KDM4C: variants seen among roughly 807,000 people sequenced by gnomAD.
The protein encoded by KDM4C is lysine demethylase 4C, also known as lysine-specific demethylase 4C.
A neutral mutation model predicts 129.3 loss-of-function variants in KDM4C; 81 were observed. The ratio of observed to expected loss-of-function variants is 0.63; its 90% CI spans 0.52 to 0.75. KDM4C has a LOEUF of 0.75. Among genes scored for constraint, KDM4C ranks in the 30% least tolerant of loss-of-function variants. The pLI is 0.00. For synonymous variants in KDM4C, 573 were observed against 456.1 expected (o/e 1.26, Z -3.26); for missense variants, 1,457 against 1,304.0 (o/e 1.12, Z -1.81).
intron 8 of KDM4C, among the ~76,000 whole-genome samples, chr9:6,917,868 C>T (rs1820609855): frequency 6.6e-6 from 1 of 152,178 alleles, no homozygotes; most frequent in Non-Finnish European, 1.5e-5. Context: ...GTGCACTTGA[C>T]CCCAGCCCCT....
intron 10 of KDM4C, 46 bp from the exon 11 acceptor site, chr9:6,986,298 G>A (rs533919644): frequency 3.0e-6 from 4 of 1,323,068 alleles, no homozygotes; most frequent in Non-Finnish European, 4.2e-6. Flanking sequence ...CTACTTAGTA[G>A]TAATACAGTG....
intron 15 of KDM4C, among the ~76,000 whole-genome samples, chr9:7,032,933 T>C (rs139714915): frequency 1.6e-3 from 240 of 152,358 alleles, no homozygotes; most frequent in African/African-American, 5.6e-3. Flanking sequence ...CTTTCATATG[T>C]ACTCTAGGTT....
chr9:7,049,712 C>A (rs1214830272), intron 17 of KDM4C, among the ~76,000 whole-genome samples: 1 of 152,082 alleles, frequency 6.6e-6, no homozygotes, highest in Non-Finnish European at 1.5e-5. Flanking sequence ...AACTCTCTGG[C>A]TTGTTCAGAA....
intron 18 of KDM4C, among the ~76,000 whole-genome samples, chr9:7,123,809 C>T (rs571598229): frequency 1.3e-5 from 2 of 152,202 alleles, no homozygotes; most frequent in South Asian, 2.1e-4. Flanking sequence ...AGAGTAGAGT[C>T]GGAGGCTACT....
chr9:7,060,997 C>T (rs16925263), intron 17 of KDM4C, among the ~76,000 whole-genome samples: 6,114 of 152,194 alleles, frequency 0.04, 298 homozygotes, highest in East Asian at 0.15. Context: ...TCAATCTGTC[C>T]GCCCATCCAT....
chr9:6,824,951 C>T (rs1351522667), intron 4 of KDM4C, among the ~76,000 whole-genome samples: 1 of 151,984 alleles, frequency 6.6e-6, no homozygotes, highest in African/African-American at 2.4e-5. Flanking sequence ...CGAGACCAGC[C>T]TGGCCAACAT....
chr9:6,721,053 T>G lies in KDM4C; in HGVS notation c.49+56T>G. ...ACTTTGTACATAGTTGGTGGTTCTG[T>G]CACACTTAAAGCAATGTTAATTTCT... On this transcript the variant is annotated intron_variant, in intron 1 of 17. Coordinates refer to the KDM4C transcript ENST00000536108. 4 of 1,435,638 alleles carry G rather than the reference T, an allele frequency of 2.8e-6. No individual in the cohort carries two copies. The South Asian group carries it at 4.9e-5, about 18-fold the overall frequency. 88.9% of individuals were successfully genotyped at this position (1,435,638 alleles called of 1,614,324 possible).
chr9:7,066,725 G>T (rs1410016727), intron 17 of KDM4C, among the ~76,000 whole-genome samples: 5 of 152,058 alleles, frequency 3.3e-5, no homozygotes, highest in Admixed American at 2.6e-4. Context: ...TGATGTCTTG[G>T]AGTTGTTTTT....
intron 4 of KDM4C, among the ~76,000 whole-genome samples, chr9:6,836,161 TAAAA>T (rs369497432): frequency 2.0e-5 from 3 of 151,944 alleles, no homozygotes; most frequent in African/African-American, 4.8e-5. Flanking sequence ...GTGCACAACT[TAAAA>T]AAATCACTGG....
chr9:6,807,992 G>C (rs1365001249), intron 3 of KDM4C, among the ~76,000 whole-genome samples: 1 of 102,272 alleles, frequency 9.8e-6, no homozygotes, highest in South Asian at 3.2e-4. Context: ...AGGGAGGTGG[G>C]GGGGGTCAGC....
Position 6,986,391 on chromosome 9 carries a change from G to T in KDM4C, c.1402G>T (p.Asp468Tyr). 1 of 1,613,598 alleles carries T rather than the reference G, an allele frequency of 6.2e-7. No individual in the cohort carries two copies. The highest frequency in any genetic ancestry group is 8.5e-7 in the Non-Finnish European group (1 of 1,179,626). ...TSVTEDIKTE[D>Y]DKAYAYRSVP... ...TGTAACAGAAGACATAAAAACTGAGGATGACAAAGCTTATGCATATAGAAG... is the reference window on the plus strand; with the variant it reads ...TGTAACAGAAGACATAAAAACTGAGTATGACAAAGCTTATGCATATAGAAG... The change falls in exon 11 of 22, where the codon GAT becomes TAT. Residue 468 changes from aspartate (D) to tyrosine (Y), a missense_variant. Coordinates refer to ENST00000381309, the MANE Select transcript of KDM4C (RefSeq NM_015061.6).
chr9:6,964,765 G>C (rs191781506), intron 8 of KDM4C, among the ~76,000 whole-genome samples: 2,245 of 132,660 alleles, frequency 0.017, 23 homozygotes, highest in Non-Finnish European at 0.026. Flanking sequence ...CTGGGGGACA[G>C]AGTGAGACTC....
At chr9:7,138,555 C>G (rs766451596) in intron 19 of KDM4C, among the ~76,000 whole-genome samples, 5 of 152,250 alleles carry the variant, frequency 3.3e-5, no homozygotes, top group Middle Eastern at 3.4e-3. Context: ...TGGCTCACAC[C>G]TGAAATCCCA....
chr9:7,165,908 A>G (rs997201327), intron 20 of KDM4C, among the ~76,000 whole-genome samples: 1 of 152,266 alleles, frequency 6.6e-6, no homozygotes, highest in Admixed American at 6.5e-5. Context: ...TATCAGTTGG[A>G]CGTTCTGTTC....
At chr9:7,046,451 C>T (rs750813415) in intron 15 of KDM4C, among the ~76,000 whole-genome samples, 3 of 152,122 alleles carry the variant, frequency 2.0e-5, no homozygotes, top group South Asian at 4.1e-4. Context: ...TCATTAGCCA[C>T]CCTGTATCCA....
chr9:6,746,883 G>A (rs1272515632), intron 1 of KDM4C, among the ~76,000 whole-genome samples: 9 of 150,812 alleles, frequency 6.0e-5, no homozygotes, highest in African/African-American at 2.2e-4. Context: ...GCGGGCACCT[G>A]TAGTCCCAGC....
At chr9:6,937,420 T>G (rs1281317268) in intron 8 of KDM4C, among the ~76,000 whole-genome samples, 1 of 152,202 alleles carries the variant, frequency 6.6e-6, no homozygotes, top group Non-Finnish European at 1.5e-5. Context: ...CTTGCAGAGT[T>G]ACTTGTTGCA....
At chr9:7,170,504 A>G in intron 21 of KDM4C, 2 of 978,164 alleles carry the variant, frequency 2.0e-6, no homozygotes, top group East Asian at 1.1e-4. Context: ...ATGAACAAAC[A>G]TGGACAAATA....
At chr9:7,100,017 T>C (rs1483721396) in intron 17 of KDM4C, among the ~76,000 whole-genome samples, 1 of 152,194 alleles carries the variant, frequency 6.6e-6, no homozygotes, top group Non-Finnish European at 1.5e-5. Context: ...TCTCTAGCCT[T>C]GACTCTCAGA....
Sources: allele counts gnomAD v4.1 joint callset (sites outside exome capture counted in the v4.1 genomes callset), GRCh38; gene constraint gnomAD v4.1.1; transcripts MANE v1.5; gene names NCBI Gene and HGNC (gene_info 2026-07-23, HGNC 2026-07-21).